The following OTOGL variants were observed in gnomAD, a reference collection of about 807,000 sequenced individuals.
The protein encoded by OTOGL is otogelin-like protein.
OTOGL carries 285 observed loss-of-function variants against 318.5 expected under a neutral mutation model. The observed-to-expected ratio is 0.89, with a 90% CI of 0.81 to 0.99. The LOEUF (loss-of-function observed/expected upper bound fraction) is 0.99, where lower values mean the gene tolerates loss of function less well. Ranked by LOEUF, OTOGL falls within the 50% of genes least tolerant of loss-of-function variation. OTOGL has a pLI of 0.00. For missense variants in OTOGL, 2,899 were observed against 2,845.6 expected (o/e 1.02, Z -0.43); for synonymous variants, 987 against 936.5 (o/e 1.05, Z -0.99).
At position 80,301,153 on chromosome 12, in the gene OTOGL, A is replaced by G. The variant is rs138934808; in HGVS notation, c.3064-1481A>G. Reference sequence around the variant, plus strand: ...AGGAGAAAAGTAACCAAAGAATTTCATATCTCCTTCATAATTTTATTTTGC... The same window carrying G: ...AGGAGAAAAGTAACCAAAGAATTTCGTATCTCCTTCATAATTTTATTTTGC... On this transcript the variant is annotated intron_variant, in intron 27 of 58. Coordinates refer to ENST00000547103, the MANE Select transcript of OTOGL (RefSeq NM_001378609.3). Among the ~76,000 whole-genome samples the G allele has an allele frequency of 6.5e-3, 993 of 152,316 alleles. 11 individuals carry two copies. Among genetic ancestry groups the G allele is most frequent in the African/African-American group, 0.022 (911 of 41,584 alleles).
At chr12:80,310,889 G>T (rs1024821661) in intron 30 of OTOGL, among the ~76,000 whole-genome samples, 162 bp downstream of exon 30, 1 of 152,186 alleles carries the variant, frequency 6.6e-6, no homozygotes, top group Non-Finnish European at 1.5e-5. Flanking sequence ...TTCTGTAGAA[G>T]TGGCACATTT....
chr12:80,168,857 A>C (rs925223246), intron 1 of OTOGL, among the ~76,000 whole-genome samples: 1 of 152,186 alleles, frequency 6.6e-6, no homozygotes, highest in African/African-American at 2.4e-5. Flanking sequence ...TAGGAAAATG[A>C]GTATGTATCT....
chr12:80,277,117 ATTATTTG>A (rs1158914658), intron 24 of OTOGL, among the ~76,000 whole-genome samples: 1 of 148,210 alleles, frequency 6.7e-6, no homozygotes, highest in East Asian at 1.9e-4. Context: ...TTTATTATTT[ATTATTTG>A]TTATTTAAGT....
intron 1 of OTOGL, among the ~76,000 whole-genome samples, chr12:80,171,487 G>C (rs1874203249): frequency 6.6e-6 from 1 of 152,134 alleles, no homozygotes; most frequent in South Asian, 2.1e-4. Context: ...AATTGACTAT[G>C]TTTGTGTTGG....
chr12:80,303,485 ACT>A (rs1436788356), intron 28 of OTOGL, among the ~76,000 whole-genome samples: 1 of 152,152 alleles, frequency 6.6e-6, no homozygotes, highest in African/African-American at 2.4e-5. Context: ...AAAAAATGTT[ACT>A]CTTATTGTGT....
At chr12:80,331,030 C>T (rs373150572) in intron 37 of OTOGL, among the ~76,000 whole-genome samples, 1 of 152,146 alleles carries the variant, frequency 6.6e-6, no homozygotes, top group South Asian at 2.1e-4. Flanking sequence ...GATAGCAATA[C>T]TCCCAAATTG....
intron 18 of OTOGL, 40 bp from the exon 19 acceptor site, chr12:80,261,929 T>G (rs765201719): frequency 3.8e-6 from 6 of 1,596,424 alleles, no homozygotes; most frequent in Non-Finnish European, 5.1e-6. Context: ...AACAAATGAA[T>G]GAGAGATACA....
At chr12:80,206,428 G>T (rs1366310282) in intron 1 of OTOGL, among the ~76,000 whole-genome samples, 1 of 152,136 alleles carries the variant, frequency 6.6e-6, no homozygotes, top group Admixed American at 6.6e-5. Context: ...GATGGAAGAG[G>T]AGCAGAGAGA....
chr12:80,200,550 G>T (rs1214323134), intron 1 of OTOGL, among the ~76,000 whole-genome samples: 1 of 152,144 alleles, frequency 6.6e-6, no homozygotes, highest in Non-Finnish European at 1.5e-5. Flanking sequence ...TGTGAACTTG[G>T]GAGATGTCAT....
At chr12:80,170,729 C>T (rs1439881342) in intron 1 of OTOGL, among the ~76,000 whole-genome samples, 2 of 152,090 alleles carry the variant, frequency 1.3e-5, no homozygotes, top group Admixed American at 6.6e-5. Flanking sequence ...CCACTGTGCC[C>T]AGCCTTCTTT....
chr12:80,369,364 G>T (rs1485263151), intron 55 of OTOGL, among the ~76,000 whole-genome samples: 2 of 151,934 alleles, frequency 1.3e-5, no homozygotes, highest in African/African-American at 2.4e-5. Flanking sequence ...TCTATAGATT[G>T]GCCTGATACT....
intron 27 of OTOGL, among the ~76,000 whole-genome samples, chr12:80,297,435 G>A (rs1196880705): frequency 4.6e-5 from 7 of 151,230 alleles, no homozygotes; most frequent in Non-Finnish European, 8.8e-5. Context: ...GGGTTCCAGC[G>A]ATTCTCTTGC....
At chr12:80,190,337 A>C (rs1047571093) in intron 1 of OTOGL, among the ~76,000 whole-genome samples, 1 of 152,222 alleles carries the variant, frequency 6.6e-6, no homozygotes, top group South Asian at 2.1e-4. Flanking sequence ...AAATTCAAAG[A>C]AGCACAACAA....
At chr12:80,216,657 G>A (rs370230823) in intron 4 of OTOGL, among the ~76,000 whole-genome samples, 7 of 152,104 alleles carry the variant, frequency 4.6e-5, no homozygotes, top group African/African-American at 1.7e-4. Flanking sequence ...ACTATACAAC[G>A]AGGGAAGTGC....
intron 1 of OTOGL, among the ~76,000 whole-genome samples, chr12:80,148,239 G>T (rs1159353371): frequency 6.8e-6 from 1 of 146,100 alleles, no homozygotes; most frequent in Non-Finnish European, 1.5e-5. Flanking sequence ...GCTCTTGTAG[G>T]GCAGGTCCGG....
At chr12:80,179,288 C>T (rs1444197446) in intron 1 of OTOGL, among the ~76,000 whole-genome samples, 10 of 152,190 alleles carry the variant, frequency 6.6e-5, no homozygotes, top group African/African-American at 1.9e-4. Context: ...GAGTCAGGCT[C>T]TTAATTATAA....
At chr12:80,119,396 C>G (rs1341105904) in intron 1 of OTOGL, among the ~76,000 whole-genome samples, 2 of 152,204 alleles carry the variant, frequency 1.3e-5, no homozygotes, top group African/African-American at 4.8e-5. Context: ...TTCAGCCTGG[C>G]TTCAGTTCAC....
intron 1 of OTOGL, among the ~76,000 whole-genome samples, chr12:80,101,002 T>C (rs1201641057): frequency 1.3e-5 from 2 of 152,182 alleles, no homozygotes; most frequent in Non-Finnish European, 2.9e-5. Flanking sequence ...TTCATAGTAC[T>C]GATCAAGCAT....
chr12:80,157,534 T>G (rs1379509663), intron 1 of OTOGL, among the ~76,000 whole-genome samples: 1 of 152,198 alleles, frequency 6.6e-6, no homozygotes. Context: ...TCCAAATGTT[T>G]TCTTGTAGTA....
Sources: allele counts gnomAD v4.1 joint callset (sites outside exome capture counted in the v4.1 genomes callset), GRCh38; gene constraint gnomAD v4.1.1; transcripts MANE v1.5; gene names NCBI Gene and HGNC (gene_info 2026-07-23, HGNC 2026-07-21).